PPP2R5E: variants seen among roughly 807,000 people sequenced by gnomAD.
The protein encoded by PPP2R5E is protein phosphatase 2 regulatory subunit B'epsilon, also known as serine/threonine-protein phosphatase 2A 56 kDa regulatory subunit epsilon isoform.
PPP2R5E carries 4 observed loss-of-function variants against 65.3 expected under a neutral mutation model. The ratio of observed to expected loss-of-function variants is 0.06; its 90% CI spans 0.03 to 0.14. PPP2R5E has a LOEUF of 0.14. PPP2R5E is among the 10% of genes least tolerant of loss of function. The pLI is 1.00. For missense variants in PPP2R5E, 274 were observed against 556.1 expected (o/e 0.49, Z 5.10); for synonymous variants, 183 against 187.4 (o/e 0.98, Z 0.19).
intron 2 of PPP2R5E, among the ~76,000 whole-genome samples, chr14:63,471,793 C>G (rs942902899): frequency 6.6e-6 from 1 of 152,186 alleles, no homozygotes; most frequent in Admixed American, 6.5e-5. Context: ...TGGCTTATCA[C>G]TACTGATCAT....
intron 2 of PPP2R5E, among the ~76,000 whole-genome samples, chr14:63,467,227 A>AAAAAAG (rs1889870094): frequency 7.2e-6 from 1 of 139,024 alleles, no homozygotes; most frequent in Non-Finnish European, 1.5e-5. Flanking sequence ...CGTCTCAAAA[A>AAAAAAG]AAACAAACAA....
intron 2 of PPP2R5E, among the ~76,000 whole-genome samples, chr14:63,455,056 C>A (rs1889044016): frequency 6.6e-6 from 1 of 152,242 alleles, no homozygotes; most frequent in Admixed American, 6.5e-5. Context: ...TAGTCACTTG[C>A]AGTCATCCTC....
At chr14:63,439,704 C>A (rs1888122963) in intron 3 of PPP2R5E, among the ~76,000 whole-genome samples, 1 of 152,122 alleles carries the variant, frequency 6.6e-6, no homozygotes, top group African/African-American at 2.4e-5. Context: ...ATGCCACTGA[C>A]CCAGGAAGGA....
At chr14:63,425,490 A>C (rs1383533950) in intron 3 of PPP2R5E, among the ~76,000 whole-genome samples, 2 of 152,204 alleles carry the variant, frequency 1.3e-5, no homozygotes, top group Non-Finnish European at 2.9e-5. Context: ...CCAAGACATG[A>C]AAGTAAACCA....
Position 63,374,638 on chromosome 14 carries a change from T to G in PPP2R5E, c.*1371A>C, listed in dbSNP as rs1176563299. On this transcript the variant is annotated 3_prime_UTR_variant, in exon 14 of 14. Coordinates refer to ENST00000337537, the MANE Select transcript of PPP2R5E (RefSeq NM_006246.5). Reference sequence around the variant, plus strand: ...TACAAAGCAGAGAGCCAATAAGATATATATATATATATATATATATATATA... The same window carrying G: ...TACAAAGCAGAGAGCCAATAAGATAGATATATATATATATATATATATATA... The G allele has an allele frequency of 2.0e-4, 4 of 20,032 alleles. No homozygotes were observed. Among genetic ancestry groups the G allele is most frequent in the African/African-American group, 3.1e-4 (2 of 6,418 alleles). 1.2% of individuals were successfully genotyped at this position (20,032 alleles called of 1,614,324 possible).
At chr14:63,506,429 C>A (rs189041459) in intron 2 of PPP2R5E, among the ~76,000 whole-genome samples, 11 of 151,818 alleles carry the variant, frequency 7.2e-5, no homozygotes, top group Admixed American at 7.2e-4. Context: ...CCAGCCTGGG[C>A]GACAGAGCAA....
chr14:63,482,316 G>A (rs183558969), intron 2 of PPP2R5E, among the ~76,000 whole-genome samples: 16 of 152,174 alleles, frequency 1.1e-4, no homozygotes, highest in East Asian at 3.9e-4. Context: ...AAAATTAGCC[G>A]GGCATGGTGG....
chr14:63,450,351 T>C (rs761697415), intron 3 of PPP2R5E, among the ~76,000 whole-genome samples: 1 of 152,238 alleles, frequency 6.6e-6, no homozygotes, highest in Non-Finnish European at 1.5e-5. Flanking sequence ...TAGAACAGCA[T>C]GTACACTAAC....
At chr14:63,529,218 CA>C (rs1166352367) in intron 2 of PPP2R5E, among the ~76,000 whole-genome samples, 2 of 152,128 alleles carry the variant, frequency 1.3e-5, no homozygotes, top group African/African-American at 4.8e-5. Flanking sequence ...TGCGTCCTCC[CA>C]AAGTGCTGGG....
intron 2 of PPP2R5E, among the ~76,000 whole-genome samples, chr14:63,525,666 A>C (rs1156859031): frequency 6.6e-6 from 1 of 152,194 alleles, no homozygotes; most frequent in Non-Finnish European, 1.5e-5. Flanking sequence ...CTGGAATTTC[A>C]AGAGGGTCAA....
At chr14:63,464,580 G>A (rs1315414712) in intron 2 of PPP2R5E, among the ~76,000 whole-genome samples, 1 of 152,178 alleles carries the variant, frequency 6.6e-6, no homozygotes, top group African/African-American at 2.4e-5. Context: ...ACAAGTGGCT[G>A]CAGAAGATCA....
chr14:63,473,740 G>C (rs1890253361), intron 2 of PPP2R5E, among the ~76,000 whole-genome samples: 3 of 152,194 alleles, frequency 2.0e-5, no homozygotes, highest in Non-Finnish European at 4.4e-5. Context: ...AAAAGGGGAT[G>C]ACATGGAGAG....
At chr14:63,470,198 A>G (rs1594910710) in intron 2 of PPP2R5E, among the ~76,000 whole-genome samples, 1 of 151,978 alleles carries the variant, frequency 6.6e-6, no homozygotes, top group African/African-American at 2.4e-5. Context: ...CAGCCTCCCA[A>G]GTGGCTGGGA....
At chr14:63,472,989 G>T (rs1890205970) in intron 2 of PPP2R5E, among the ~76,000 whole-genome samples, 1 of 152,224 alleles carries the variant, frequency 6.6e-6, no homozygotes, top group Non-Finnish European at 1.5e-5. Context: ...AGTTATGAGG[G>T]CTTATACGAA....
chr14:63,518,027 C>G, intron 2 of PPP2R5E, among the ~76,000 whole-genome samples: 1 of 148,662 alleles, frequency 6.7e-6, no homozygotes, highest in East Asian at 1.9e-4. Flanking sequence ...TTTAATAACA[C>G]AGTGGCATCC....
chr14:63,474,698 A>C (rs1890316967), intron 2 of PPP2R5E, among the ~76,000 whole-genome samples: 1 of 149,610 alleles, frequency 6.7e-6, no homozygotes, highest in African/African-American at 2.5e-5. Context: ...AAAAAAAAAA[A>C]AACAAGAAGA....
At chr14:63,450,461 G>C (rs1250475038) in intron 3 of PPP2R5E, among the ~76,000 whole-genome samples, 1 of 152,166 alleles carries the variant, frequency 6.6e-6, no homozygotes, top group African/African-American at 2.4e-5. Flanking sequence ...GGAAAAGAGG[G>C]AGAAAACGGT....
Position 63,529,517 on chromosome 14 carries a change from C to T in PPP2R5E, c.157+10012G>A, listed in dbSNP as rs149099451. Among the ~76,000 whole-genome samples, 444 of 152,078 alleles carry T rather than the reference C, an allele frequency of 2.9e-3. 3 individuals are homozygous for T. The highest frequency in any genetic ancestry group is 3.7e-3 in the Non-Finnish European group (255 of 68,000). ...CTGGGACTACAGGCACCTGCTACCA[C>T]GCCCGGCTAGTTTTTTTTTGTTGTT... On this transcript the variant is annotated intron_variant, in intron 2 of 13. Transcript: ENST00000337537.
intron 11 of PPP2R5E, among the ~76,000 whole-genome samples, 175 bp downstream of exon 11, chr14:63,389,437 G>A (rs57548169): frequency 0.063 from 9,631 of 152,106 alleles, 1,077 homozygotes; most frequent in African/African-American, 0.22. Context: ...CACCATTACT[G>A]TGGCTGTTAG....
Sources: allele counts gnomAD v4.1 joint callset (sites outside exome capture counted in the v4.1 genomes callset), GRCh38; gene constraint gnomAD v4.1.1; transcripts MANE v1.5; gene names NCBI Gene and HGNC (gene_info 2026-07-23, HGNC 2026-07-21).